Variants in EXOSC9 observed in about 807,000 individuals in gnomAD.
The protein encoded by EXOSC9 is exosome complex component RRP45.
Under a neutral mutation model 56.5 loss-of-function variants are expected in EXOSC9, and 38 were observed. The ratio of observed to expected loss-of-function variants is 0.67; its 90% CI spans 0.52 to 0.88. The LOEUF (loss-of-function observed/expected upper bound fraction) is 0.88. EXOSC9 is among the 40% of genes least tolerant of loss of function. EXOSC9 has a pLI of 0.00. For synonymous variants in EXOSC9, 170 were observed against 170.8 expected (o/e 0.99, Z 0.04); for missense variants, 559 against 530.5 (o/e 1.05, Z -0.53).
At chr4:121,815,521 A>C in intron 10 of EXOSC9, 1 of 984,126 alleles carries the variant, frequency 1.0e-6, no homozygotes, top group Non-Finnish European at 1.2e-6. Flanking sequence ...TTTTATGTAT[A>C]TCATTAACTA....
chr4:121,802,974 A>G lies in EXOSC9; in HGVS notation c.341A>G (p.Lys114Arg). The change falls in exon 4 of 12, where the codon AAG becomes AGG. Residue 114 changes from lysine to arginine, a missense_variant. Physicochemically the swap from Lys to Arg is conservative, Grantham distance 26 (BLOSUM62 2). Transcript: ENST00000243498. The stretch of plus-strand genomic sequence containing the variant: ...ATGGAAAGATGTCTAAGAAATTCGA[A>G]GTGTATAGACACTGAGTCTCTCTGT... ...RLMERCLRNS[K>R]CIDTESLCVV... 6.2e-7 allele frequency: 1 copy of G among 1,614,062 alleles called. No homozygotes were observed. The highest frequency in any genetic ancestry group is 8.5e-7 in the Non-Finnish European group (1 of 1,179,926).
At position 121,813,981 on chromosome 4, in the gene EXOSC9, C is replaced by G; in HGVS notation, c.1090C>G (p.Gln364Glu). Residue 364 changes from glutamine (Q) to glutamate (E), a missense_variant, in exon 10 of 12, where the codon CAA becomes GAA. Physicochemically the swap from Gln to Glu is conservative, Grantham distance 29. Transcript: ENST00000243498. ...EKEDDEGGGD[Q>E]AIILDGIKMD... The stretch of plus-strand genomic sequence containing the variant: ...GGAAGATGATGAAGGCGGTGGTGAT[C>G]AAGCTATCATTCTTGATGGTATAAA... 6.2e-7 allele frequency: 1 copy of G among 1,613,768 alleles called. No homozygotes were observed. Among genetic ancestry groups the G allele is most frequent in the South Asian group, 1.1e-5 (1 of 91,068 alleles).
chr4:121,815,342 T>A (rs1234282438), intron 10 of EXOSC9: 6 of 974,746 alleles, frequency 6.2e-6, no homozygotes, highest in Non-Finnish European at 7.3e-6. Flanking sequence ...TCTTATATGT[T>A]TGTTTAGTGT....
intron 6 of EXOSC9, among the ~76,000 whole-genome samples, chr4:121,809,368 T>C (rs1043804847): frequency 6.6e-6 from 1 of 152,150 alleles, no homozygotes; most frequent in Non-Finnish European, 1.5e-5. Context: ...TAATATATTT[T>C]CACGTTAATG....
chr4:121,804,497 T>A, intron 4 of EXOSC9, 125 bp from the exon 5 acceptor site: 1 of 575,812 alleles, frequency 1.7e-6, no homozygotes, highest in East Asian at 2.8e-5. Flanking sequence ...GTTGACAAAG[T>A]ACAAGGAGTA....
chr4:121,809,787 T>C, intron 6 of EXOSC9, 180 bp from the exon 7 acceptor site: 1 of 620,604 alleles, frequency 1.6e-6, no homozygotes, highest in Non-Finnish European at 2.8e-6. Flanking sequence ...TAGCATTCAT[T>C]TGTGTTCATA....
At chr4:121,809,816 TCTCTTTCC>T (rs1313403459) in intron 6 of EXOSC9, 143 bp from the exon 7 acceptor site, 1 of 724,832 alleles carries the variant, frequency 1.4e-6, no homozygotes, top group African/African-American at 1.8e-5. Flanking sequence ...AATTTTCTTG[TCTCTTTCC>T]CCATTTCAGT....
At chr4:121,804,522 CA>C (rs769303033) in intron 4 of EXOSC9, 99 bp from the exon 5 acceptor site, 66 of 767,800 alleles carry the variant, frequency 8.6e-5, no homozygotes, top group Non-Finnish European at 1.3e-4. Context: ...CGTGTTTTAA[CA>C]GCAAGAAAAA....
intron 8 of EXOSC9, among the ~76,000 whole-genome samples, 172 bp from the exon 9 acceptor site, chr4:121,813,062 T>A (rs941835547): frequency 4.6e-5 from 7 of 152,326 alleles, no homozygotes; most frequent in African/African-American, 1.7e-4. Flanking sequence ...TGCTAACTAT[T>A]TACTCTTGTT....
Position 121,816,767 on chromosome 4 carries a change from C to A in EXOSC9, c.1236-5C>A. On this transcript the variant is annotated splice_polypyrimidine_tract_variant and splice_region_variant and intron_variant, in intron 11 of 11. Transcript: ENST00000243498. ...TAGTAAATTCTTACTTTGCTTTATT[C>A]ACAGAACACAGACCACCAGTGCAAA... 6.3e-7 allele frequency: 1 copy of A among 1,576,706 alleles called. No homozygotes were observed. Among genetic ancestry groups the A allele is most frequent in the East Asian group, 2.3e-5 (1 of 44,388 alleles).
chr4:121,815,809 T>A lies in EXOSC9; in HGVS notation c.1157-560T>A, dbSNP rs1724475088. The A allele has an allele frequency of 7.8e-6, 8 of 1,029,576 alleles. No homozygotes were observed. The South Asian group carries it at 3.7e-4, about 47-fold the overall frequency. The allele number at this position is 1,029,576 out of a possible 1,614,324, so 63.8% of individuals were successfully genotyped here. On this transcript the variant is annotated intron_variant, in intron 10 of 11. Transcript: ENST00000243498. ...ATTCAGTTGTCTCTACAAAAGATGCTATATACATTTCCCCCTAGCTTTTCT... is the reference window on the plus strand; with the variant it reads ...ATTCAGTTGTCTCTACAAAAGATGCAATATACATTTCCCCCTAGCTTTTCT...
intron 5 of EXOSC9, among the ~76,000 whole-genome samples, chr4:121,805,874 C>T (rs1396850654): frequency 4.0e-5 from 6 of 149,760 alleles, no homozygotes; most frequent in South Asian, 2.1e-4. Context: ...GGCGTGATCT[C>T]GGCTCACTGT....
Position 121,813,942 on chromosome 4 carries a change from G to C in EXOSC9, c.1051G>C (p.Glu351Gln). ...AGTAGAAAACTCCTGGGGTGATCTT[G>C]AAGACTCTGAGAAGGAAGATGATGA... ...EGVENSWGDL[E>Q]DSEKEDDEGG... The change falls in exon 10 of 12, where the codon GAA becomes CAA. Residue 351 changes from glutamate (E) to glutamine (Q), a missense_variant. Physicochemically the swap from Glu to Gln is conservative, Grantham distance 29. Transcript: ENST00000243498. 6.2e-7 allele frequency: 1 copy of C among 1,613,652 alleles called. No homozygotes were observed. The highest frequency in any genetic ancestry group is 1.3e-5 in the African/African-American group (1 of 74,996).
intron 7 of EXOSC9, 84 bp from the exon 8 acceptor site, chr4:121,811,499 A>G: frequency 1.4e-6 from 1 of 693,118 alleles, no homozygotes; most frequent in African/African-American, 1.9e-5. Context: ...TTATAAAGGT[A>G]GAAAAATTTC....
In EXOSC9 at chr4:121,802,786, CCTGGCAGGTATTTAAAT is replaced by C. The variant is rs775917102; in HGVS notation, c.277_281+12del. The C allele has an allele frequency of 6.2e-7, 1 of 1,613,946 alleles. No homozygotes were observed. Among genetic ancestry groups the C allele is most frequent in the South Asian group, 1.1e-5 (1 of 91,058 alleles). On this transcript the variant is annotated splice_donor_variant and splice_donor_5th_base_variant and coding_sequence_variant and intron_variant, in exon 3 of 12. Coordinates refer to ENST00000243498, the MANE Select transcript of EXOSC9 (RefSeq NM_005033.3). LOFTEE classifies it high-confidence loss of function. ...TCAGATGGCCGCTCCAGCTTTCGAA[CCTGGCAGGTATTTAAAT>C]CTTTTTCTTAAGTTGCTTTAGTCAT...
At chr4:121,816,122 ATT>A (rs1724491505) in intron 10 of EXOSC9, 4 of 638,726 alleles carry the variant, frequency 6.3e-6, no homozygotes, top group Non-Finnish European at 1.1e-5. Context: ...CGCCTGGCTA[ATT>A]TTTCTATTAT....
chr4:121,803,769 A>C (rs1726940274), intron 4 of EXOSC9, among the ~76,000 whole-genome samples: 1 of 152,122 alleles, frequency 6.6e-6, no homozygotes, highest in Non-Finnish European at 1.5e-5. Flanking sequence ...CCAGACCTCA[A>C]GTGATTCACC....
chr4:121,815,799 C>T lies in EXOSC9; in HGVS notation c.1157-570C>T, dbSNP rs1724474521. 4.9e-6 allele frequency: 5 copies of T among 1,016,770 alleles called. No homozygotes were observed. In the South Asian group the frequency reaches 1.9e-4, roughly 38 times the overall value. 63.0% of individuals were successfully genotyped at this position (1,016,770 alleles called of 1,614,324 possible). On this transcript the variant is annotated intron_variant, in intron 10 of 11. Transcript: ENST00000243498. ...AGCACAAACAATTCAGTTGTCTCTA[C>T]AAAAGATGCTATATACATTTCCCCC...
At chr4:121,804,204 G>T in intron 4 of EXOSC9, among the ~76,000 whole-genome samples, 1 of 147,546 alleles carries the variant, frequency 6.8e-6, no homozygotes. Context: ...TGTAGAGATA[G>T]GGTCTTGCTG....
Sources: gnomAD v4.1 joint callset for allele counts (sites outside exome capture counted in the v4.1 genomes callset) on GRCh38, gnomAD v4.1.1 for gene constraint, MANE v1.5 for transcripts, NCBI Gene and HGNC (gene_info 2026-07-23, HGNC 2026-07-21) for gene names.